Variants in AFF3 observed in about 807,000 individuals in gnomAD.
The protein encoded by AFF3 is AF4/FMR2 family member 3.
In AFF3, 32 loss-of-function variants were observed where a neutral mutation model predicts 129.7. The ratio of observed to expected loss-of-function variants is 0.25; its 90% CI spans 0.19 to 0.33. AFF3 has a LOEUF of 0.33. Among genes scored for constraint, AFF3 ranks in the 10% least tolerant of loss-of-function variants. The pLI is 1.00. For synonymous variants in AFF3, 644 were observed against 635.4 expected (o/e 1.01, Z -0.20); for missense variants, 1,373 against 1,592.0 (o/e 0.86, Z 2.34).
At chr2:100,121,982 A>C (rs916579760) in intron 2 of AFF3, among the ~76,000 whole-genome samples, 2 of 152,186 alleles carry the variant, frequency 1.3e-5, no homozygotes, top group South Asian at 4.1e-4. Flanking sequence ...GAATGGCGTG[A>C]ACCCGGGAAG....
chr2:99,813,218 G>A (rs1039661633), intron 8 of AFF3, among the ~76,000 whole-genome samples: 6 of 152,162 alleles, frequency 3.9e-5, no homozygotes, highest in Non-Finnish European at 8.8e-5. Context: ...CTGTGGAGTT[G>A]CTCACACGAG....
intron 10 of AFF3, among the ~76,000 whole-genome samples, chr2:99,736,612 T>TG (rs942565209): frequency 1.3e-5 from 2 of 148,566 alleles, no homozygotes; most frequent in Non-Finnish European, 3.0e-5. Flanking sequence ...TTACTGATTT[T>TG]TTTTTTTTTT....
chr2:100,068,431 G>C (rs2105283713), intron 4 of AFF3, among the ~76,000 whole-genome samples: 1 of 152,304 alleles, frequency 6.6e-6, no homozygotes, highest in South Asian at 2.1e-4. Flanking sequence ...GCTGTGGTGG[G>C]ATTTCTTTTT....
At chr2:99,834,852 G>A (rs1260483689) in intron 8 of AFF3, among the ~76,000 whole-genome samples, 1 of 152,084 alleles carries the variant, frequency 6.6e-6, no homozygotes. Context: ...TCGGTCTCCA[G>A]TCTCTCTCCA....
chr2:99,775,691 T>TG (rs1411811806), intron 8 of AFF3, among the ~76,000 whole-genome samples: 3 of 150,884 alleles, frequency 2.0e-5, no homozygotes, highest in African/African-American at 7.3e-5. Context: ...AAATAAAAGT[T>TG]GGAAAAAAAA....
At chr2:99,744,236 G>A (rs1036273358) in intron 9 of AFF3, 96 bp from the exon 10 acceptor site, 27 of 1,025,442 alleles carry the variant, frequency 2.6e-5, no homozygotes, top group African/African-American at 4.9e-5. Context: ...ATTCAGAACC[G>A]ATTCATTGCT....
intron 13 of AFF3, among the ~76,000 whole-genome samples, chr2:99,628,549 CTTTCTTTTTTTT>C (rs1682813168): frequency 1.3e-5 from 2 of 150,564 alleles, no homozygotes; most frequent in African/African-American, 4.9e-5. Flanking sequence ...AATACCCTTT[CTTTCTTTTTTTT>C]TTTCTTTTTT....
chr2:100,026,179 CAACA>C (rs1181177781), intron 4 of AFF3, among the ~76,000 whole-genome samples: 12 of 152,070 alleles, frequency 7.9e-5, no homozygotes, highest in African/African-American at 2.4e-4. Flanking sequence ...CTAGAATCTA[CAACA>C]AACAAACAAA....
chr2:99,752,147 G>T (rs1460267648), intron 9 of AFF3, 74 bp downstream of exon 9: 2 of 1,300,120 alleles, frequency 1.5e-6, no homozygotes, highest in Non-Finnish European at 2.2e-6. Context: ...AGACAATCAC[G>T]GGTAAAGCCC....
chr2:99,955,032 G>T (rs189846138), intron 7 of AFF3, among the ~76,000 whole-genome samples: 1 of 151,714 alleles, frequency 6.6e-6, no homozygotes, highest in African/African-American at 2.4e-5. Flanking sequence ...AGTATAGAGA[G>T]GATAGATTTC....
In AFF3 at chr2:99,554,471, C is replaced by G. The variant is rs371101321; in HGVS notation, c.3399G>C (p.Gln1133His). The G allele has an allele frequency of 1.1e-5, 18 of 1,613,904 alleles. No homozygotes were observed. The African/African-American group carries it at 1.7e-4, about 16-fold the overall frequency. The stretch of plus-strand genomic sequence containing the variant: ...GGGCGCTGGCGTTGGAGAGGCTGCC[C>G]TGAGACCCCACGGAGCTGGCGGGAG... ...NPSPASSVGS[Q>H]GSLSNASALS... The change falls in exon 24 of 25, where the codon CAG becomes CAC. Residue 1133 changes from glutamine to histidine, a missense_variant. Coordinates refer to ENST00000672756, the MANE Select transcript of AFF3 (RefSeq NM_001386135.1).
chr2:99,899,077 T>G (rs1335537302), intron 7 of AFF3, among the ~76,000 whole-genome samples: 1 of 152,228 alleles, frequency 6.6e-6, no homozygotes, highest in Non-Finnish European at 1.5e-5. Context: ...ACAGATTGTC[T>G]TAATAAGTAC....
chr2:99,806,890 T>C (rs1260476072), intron 8 of AFF3, among the ~76,000 whole-genome samples: 1 of 152,100 alleles, frequency 6.6e-6, no homozygotes, highest in Non-Finnish European at 1.5e-5. Context: ...TTCCAACAGA[T>C]TTTCATCATT....
intron 13 of AFF3, among the ~76,000 whole-genome samples, chr2:99,604,404 T>A (rs535869729): frequency 5.3e-5 from 8 of 152,222 alleles, no homozygotes; most frequent in African/African-American, 1.9e-4. Context: ...TTCTCACTTA[T>A]AAGTGGGAGC....
chr2:99,978,890 T>G (rs537401420), intron 7 of AFF3, among the ~76,000 whole-genome samples: 1 of 152,270 alleles, frequency 6.6e-6, no homozygotes, highest in Admixed American at 6.5e-5. Context: ...ATGAGAGAAA[T>G]AAATGTTTAT....
chr2:99,944,211 T>C (rs1452636066), intron 7 of AFF3, among the ~76,000 whole-genome samples: 2 of 152,180 alleles, frequency 1.3e-5, no homozygotes, highest in Non-Finnish European at 2.9e-5. Context: ...CTACTCCTAT[T>C]TTTGTCTGGT....
At chr2:99,907,587 C>CT (rs1199584384) in intron 7 of AFF3, among the ~76,000 whole-genome samples, 1 of 148,330 alleles carries the variant, frequency 6.7e-6, no homozygotes, top group East Asian at 2.0e-4. Flanking sequence ...TGCCTTTGGT[C>CT]TTTTAATAAA....
intron 7 of AFF3, among the ~76,000 whole-genome samples, chr2:99,851,331 A>C (rs1224417714): frequency 6.6e-6 from 1 of 152,228 alleles, no homozygotes; most frequent in Non-Finnish European, 1.5e-5. Context: ...AGTAATAATT[A>C]AACTCTAGCT....
intron 7 of AFF3, among the ~76,000 whole-genome samples, chr2:99,928,604 T>A (rs1270194842): frequency 3.3e-5 from 5 of 152,222 alleles, no homozygotes; most frequent in African/African-American, 1.2e-4. Flanking sequence ...TAACTGTATC[T>A]GTGTAAACTA....
Sources: gnomAD v4.1 joint callset for allele counts (sites outside exome capture counted in the v4.1 genomes callset) on GRCh38, gnomAD v4.1.1 for gene constraint, MANE v1.5 for transcripts, NCBI Gene and HGNC (gene_info 2026-07-23, HGNC 2026-07-21) for gene names.